SCG3: variants seen among roughly 807,000 people sequenced by gnomAD.
The protein encoded by SCG3 is secretogranin III, also known as secretogranin-3.
Under a neutral mutation model 56.2 loss-of-function variants are expected in SCG3, and 38 were observed. The ratio of observed to expected loss-of-function variants is 0.68; its 90% CI spans 0.52 to 0.89. The LOEUF (loss-of-function observed/expected upper bound fraction) is 0.89. Among genes scored for constraint, SCG3 ranks in the 40% least tolerant of loss-of-function variants. The probability of loss-of-function intolerance (pLI) is 0.00; values close to 1 mark genes in which losing one functional copy is unlikely to be tolerated. For missense variants in SCG3, 524 were observed against 540.7 expected, an observed-to-expected ratio of 0.97 and a Z score of 0.31; for synonymous variants, 176 against 184.2, an observed-to-expected ratio of 0.96 and a Z score of 0.36.
intron 10 of SCG3, among the ~76,000 whole-genome samples, chr15:51,712,752 T>A (rs1037174238): frequency 2.6e-5 from 4 of 152,172 alleles, no homozygotes; most frequent in African/African-American, 4.8e-5. Context: ...GGGAGTTTTA[T>A]TAGAGCCAGT....
intron 4 of SCG3, among the ~76,000 whole-genome samples, chr15:51,686,187 C>A (rs1422389638): frequency 1.3e-5 from 2 of 152,102 alleles, no homozygotes; most frequent in Non-Finnish European, 2.9e-5. Context: ...GTGAAATACC[C>A]CTTCATGAGC....
At position 51,713,427 on chromosome 15, in the gene SCG3, T is replaced by C. The variant is rs996333436; in HGVS notation, c.1288+14T>C. The C allele has an allele frequency of 6.5e-7, 1 of 1,530,690 alleles. No homozygotes were observed. 94.8% of individuals were successfully genotyped at this position (1,530,690 alleles called of 1,614,324 possible). On this transcript the variant is annotated intron_variant, in intron 11 of 11. Transcript: ENST00000220478. ...GAAATAAAGAAGGTAGGACCAAGTG[T>C]GGTTGTACATTGCAAACTTCACCCA...
At chr15:51,706,505 T>C (rs1029638986) in intron 10 of SCG3, among the ~76,000 whole-genome samples, 1 of 152,116 alleles carries the variant, frequency 6.6e-6, no homozygotes, top group Non-Finnish European at 1.5e-5. Context: ...AGGGATGAGG[T>C]AATGGTCCAG....
intron 10 of SCG3, among the ~76,000 whole-genome samples, chr15:51,704,168 A>G (rs1053376736): frequency 2.0e-5 from 3 of 149,362 alleles, no homozygotes; most frequent in Admixed American, 1.3e-4. Flanking sequence ...ACTTCCATTC[A>G]ACCCTAGGTC....
At chr15:51,696,082 T>A in intron 8 of SCG3, 91 bp downstream of exon 8, 1 of 762,618 alleles carries the variant, frequency 1.3e-6, no homozygotes, top group African/African-American at 1.8e-5. Flanking sequence ...ATTAATTTGA[T>A]AATTTATGCC....
In SCG3 at chr15:51,692,532, G is replaced by C. The variant is rs181972520; in HGVS notation, c.868+196G>C. Among the ~76,000 whole-genome samples the C allele has an allele frequency of 1.6e-3, 237 of 152,218 alleles. 4 individuals carry two copies. The highest frequency in any genetic ancestry group is 5.4e-3 in the African/African-American group (226 of 41,518). ...AGTTATGAAAATATTTAGGAAAGGTGATGTTTCTGGATAATTTAATCTTCT... is the reference window on the plus strand; with the variant it reads ...AGTTATGAAAATATTTAGGAAAGGTCATGTTTCTGGATAATTTAATCTTCT... On this transcript the variant is annotated intron_variant, in intron 7 of 11. Transcript: ENST00000220478.
intron 1 of SCG3, 79 bp downstream of exon 1, chr15:51,681,916 G>C (rs17648679): frequency 1.8e-6 from 2 of 1,105,574 alleles, no homozygotes; most frequent in Non-Finnish European, 2.7e-6. Context: ...TACGTGAGCT[G>C]TAAATCACCC....
At chr15:51,709,725 T>TTTTTTTTTTTTTTA (rs2055406806) in intron 10 of SCG3, among the ~76,000 whole-genome samples, 1 of 57,008 alleles carries the variant, frequency 1.8e-5, no homozygotes, top group Non-Finnish European at 3.4e-5. Flanking sequence ...TTTTTTTTTT[T>TTTTTTTTTTTTTTA]TTTTTTTTTT....
intron 11 of SCG3, among the ~76,000 whole-genome samples, chr15:51,719,166 G>A (rs746528508): frequency 3.1e-4 from 47 of 152,204 alleles, no homozygotes; most frequent in Non-Finnish European, 5.6e-4. Context: ...AAATGGGGAT[G>A]GTATGACCCA....
Position 51,699,266 on chromosome 15 carries a change from T to G in SCG3, c.986-53T>G, listed in dbSNP as rs1035473415. The G allele has an allele frequency of 1.0e-5, 13 of 1,297,718 alleles. No individual in the cohort carries two copies. In the African/African-American group the frequency reaches 1.6e-4, roughly 16 times the overall value. 80.4% of individuals were successfully genotyped at this position (1,297,718 alleles called of 1,614,324 possible). A position where few individuals can be genotyped will look rare whatever the true frequency, so the allele number is the denominator to read the frequency against. On this transcript the variant is annotated intron_variant, in intron 8 of 11. Coordinates refer to ENST00000220478, the MANE Select transcript of SCG3 (RefSeq NM_013243.4). ...AGATTTAAACATTTTTCGTAAAAAT[T>G]TGATGTCATCTCTCAGGGAATAAAA...
intron 10 of SCG3, among the ~76,000 whole-genome samples, chr15:51,711,015 G>T (rs2055417321): frequency 6.6e-6 from 1 of 152,110 alleles, no homozygotes; most frequent in South Asian, 2.1e-4. Flanking sequence ...TGCAGGGTAG[G>T]TACATGAGCA....
intron 10 of SCG3, among the ~76,000 whole-genome samples, chr15:51,704,123 T>C (rs2055355217): frequency 6.6e-6 from 1 of 151,318 alleles, no homozygotes; most frequent in Admixed American, 6.6e-5. Context: ...TGTGCCATGT[T>C]TGGGGACCCT....
In SCG3 at chr15:51,719,658, C is replaced by G; in HGVS notation, c.*132C>G. On this transcript the variant is annotated 3_prime_UTR_variant, in exon 12 of 12. Coordinates refer to ENST00000220478, the MANE Select transcript of SCG3 (RefSeq NM_013243.4). ...AAGTGCTGAATTTACAGTAGTTAAC[C>G]TTTTACAAGTGGTTAAAACATAGCT... The G allele has an allele frequency of 1.6e-6, 1 of 607,616 alleles. No individual in the cohort carries two copies. 37.6% of individuals were successfully genotyped at this position (607,616 alleles called of 1,614,324 possible). A position where few individuals can be genotyped will look rare whatever the true frequency, so the allele number is the denominator to read the frequency against.
intron 8 of SCG3, among the ~76,000 whole-genome samples, chr15:51,697,132 CTGTGTGTGTG>C (rs3078107): frequency 6.9e-6 from 1 of 145,924 alleles, no homozygotes; most frequent in Non-Finnish European, 1.5e-5. Flanking sequence ...AGATGTTATT[CTGTGTGTGTG>C]TGTGTGTGTG....
chr15:51,701,262 C>A lies in SCG3; in HGVS notation c.1207+18C>A, dbSNP rs778787337. 1.4e-5 allele frequency: 21 copies of A among 1,548,942 alleles called. No individual in the cohort carries two copies. In the East Asian group the frequency reaches 4.7e-4, roughly 35 times the overall value. On this transcript the variant is annotated intron_variant, in intron 10 of 11. Transcript: ENST00000220478. The stretch of plus-strand genomic sequence containing the variant: ...ACCCAAAGGTATGGGATTGACAGCT[C>A]TAGGTTAGCAATGAAATTGGGAAAG...
chr15:51,694,663 A>G (rs971508557), intron 7 of SCG3, among the ~76,000 whole-genome samples: 13 of 152,006 alleles, frequency 8.6e-5, no homozygotes, highest in African/African-American at 3.1e-4. Flanking sequence ...TAGAATTAAT[A>G]TTTTTTCTGA....
At chr15:51,685,214 C>T (rs1269842599) in intron 4 of SCG3, among the ~76,000 whole-genome samples, 3 of 152,104 alleles carry the variant, frequency 2.0e-5, no homozygotes, top group Admixed American at 6.5e-5. Context: ...ATCTTGAATT[C>T]GACTTTTTTA....
intron 11 of SCG3, among the ~76,000 whole-genome samples, chr15:51,718,231 CAGACAGAT>C: frequency 7.5e-6 from 1 of 132,476 alleles, no homozygotes; most frequent in African/African-American, 2.7e-5. Flanking sequence ...GACAGACAGA[CAGACAGAT>C]GTCATAGGGT....
Position 51,681,658 on chromosome 15 carries a change from C to CAG in SCG3, c.-98_-97insAG. 1 of 754,784 alleles carries CAG rather than the reference C, an allele frequency of 1.3e-6. No homozygotes were observed. Among genetic ancestry groups the CAG allele is most frequent in the East Asian group, 2.8e-5 (1 of 35,730 alleles). 46.8% of individuals were successfully genotyped at this position (754,784 alleles called of 1,614,324 possible). ...CCTCTCCCGCCCCACACCCACCCTC[C>CAG]TGGCTCTTCCTGTTTTTACTCCTCC... On this transcript the variant is annotated 5_prime_UTR_variant, in exon 1 of 12. Transcript: ENST00000220478.
Sources: gnomAD v4.1 joint callset for allele counts (sites outside exome capture counted in the v4.1 genomes callset) on GRCh38, gnomAD v4.1.1 for gene constraint, MANE v1.5 for transcripts, NCBI Gene and HGNC (gene_info 2026-07-23, HGNC 2026-07-21) for gene names.